CENPP: variants seen among roughly 807,000 people sequenced by gnomAD.
The protein encoded by CENPP is centromere protein P.
A neutral mutation model predicts 35.6 loss-of-function variants in CENPP; 24 were observed. The ratio of observed to expected loss-of-function variants is 0.67; its 90% CI spans 0.49 to 0.95. The LOEUF (loss-of-function observed/expected upper bound fraction) is 0.95, where lower values mean the gene tolerates loss of function less well. CENPP is among the 40% of genes least tolerant of loss of function. The pLI is 0.00. For synonymous variants in CENPP, 120 were observed against 125.5 expected (o/e 0.96, Z 0.29); for missense variants, 332 against 345.3 (o/e 0.96, Z 0.31).
At chr9:92,409,213 T>C (rs1332769216) in intron 5 of CENPP, among the ~76,000 whole-genome samples, 1 of 152,202 alleles carries the variant, frequency 6.6e-6, no homozygotes, top group African/African-American at 2.4e-5. Context: ...GTTATATCAA[T>C]TTAGGAAATT....
intron 3 of CENPP, among the ~76,000 whole-genome samples, chr9:92,344,695 C>T (rs1050662019): frequency 4.0e-5 from 6 of 151,580 alleles, no homozygotes; most frequent in African/African-American, 1.2e-4. Context: ...TTACAGGCGC[C>T]TGCCACGACG....
intron 5 of CENPP, among the ~76,000 whole-genome samples, chr9:92,546,382 C>T (rs538178013): frequency 1.3e-5 from 2 of 152,322 alleles, no homozygotes; most frequent in East Asian, 3.9e-4. Flanking sequence ...TGCAATAAAT[C>T]TTGCTGCTGC....
intron 5 of CENPP, among the ~76,000 whole-genome samples, chr9:92,443,273 A>T (rs552369428): frequency 5.9e-5 from 9 of 152,330 alleles, no homozygotes; most frequent in African/African-American, 2.2e-4. Flanking sequence ...TAATTTCAAT[A>T]TAAAAATATC....
At chr9:92,452,177 A>G (rs79600375) in intron 5 of CENPP, among the ~76,000 whole-genome samples, 30,148 of 151,280 alleles carry the variant, frequency 0.2, 3,551 homozygotes, top group Middle Eastern at 0.33. Flanking sequence ...GTCTTGTGCC[A>G]CTTTTCAAAG....
intron 4 of CENPP, among the ~76,000 whole-genome samples, chr9:92,359,080 G>C (rs1841670561): frequency 1.3e-5 from 2 of 151,554 alleles, no homozygotes. Context: ...CTCCCAAGTA[G>C]CTAGGATTAA....
intron 5 of CENPP, among the ~76,000 whole-genome samples, chr9:92,428,222 T>C (rs2130982687): frequency 6.6e-6 from 1 of 152,290 alleles, no homozygotes; most frequent in South Asian, 2.1e-4. Context: ...ATTCACATTT[T>C]CTGTAAATGG....
Position 92,554,049 on chromosome 9 carries a change from G to A in CENPP, c.565-57265G>A, listed in dbSNP as rs150587890. ...GTATTATGTTGGCTGTGGGTTTGTC[G>A]TAGATGGCTTTTATTACATTAAGGT... is the stretch of plus-strand genomic sequence containing the variant. On this transcript the variant is annotated intron_variant, in intron 5 of 7. Transcript: ENST00000375587. 5.1e-4 allele frequency among the ~76,000 whole-genome samples: 78 copies of A among 152,250 alleles called. No individual in the cohort carries two copies. The East Asian group carries it at 0.01, about 20-fold the overall frequency.
At chr9:92,383,218 T>C (rs904198112) in intron 5 of CENPP, among the ~76,000 whole-genome samples, 3 of 152,228 alleles carry the variant, frequency 2.0e-5, no homozygotes, top group African/African-American at 7.2e-5. Context: ...TTCATTACTG[T>C]ATCTTTGTTG....
In CENPP at chr9:92,576,823, T is replaced by C. The variant is rs148597047; in HGVS notation, c.565-34491T>C. ...AGGCCAGAATATATCTTGGAAACAG[T>C]AAATAAGTAGTATGTATGGCAGGTA... On this transcript the variant is annotated intron_variant, in intron 5 of 7. Coordinates refer to ENST00000375587, the MANE Select transcript of CENPP (RefSeq NM_001012267.3). Among the ~76,000 whole-genome samples the C allele has an allele frequency of 8.9e-4, 135 of 152,240 alleles. 1 individual carries two copies. Among genetic ancestry groups the C allele is most frequent in the African/African-American group, 3.0e-3 (126 of 41,538 alleles).
At chr9:92,609,074 G>T (rs1441937175) in intron 5 of CENPP, among the ~76,000 whole-genome samples, 1 of 152,252 alleles carries the variant, frequency 6.6e-6, no homozygotes, top group African/African-American at 2.4e-5. Context: ...GATTAATTTG[G>T]AAGAGCCTGC....
chr9:92,550,395 C>CAA (rs34946434), intron 5 of CENPP, among the ~76,000 whole-genome samples: 55,810 of 145,674 alleles, frequency 0.38, 12,850 homozygotes, highest in African/African-American at 0.66. Flanking sequence ...GACTCTGTCT[C>CAA]AAAAAAAAAA....
At chr9:92,387,051 A>AAG (rs1328603851) in intron 5 of CENPP, among the ~76,000 whole-genome samples, 2 of 145,814 alleles carry the variant, frequency 1.4e-5, no homozygotes, top group African/African-American at 5.0e-5. Context: ...CTGTCTCAAA[A>AAG]AGAAAAAAAA....
intron 5 of CENPP, among the ~76,000 whole-genome samples, chr9:92,591,004 A>C (rs1850650451): frequency 6.6e-6 from 1 of 152,254 alleles, no homozygotes; most frequent in South Asian, 2.1e-4. Flanking sequence ...TCAACATTAA[A>C]GTCTTTATAC....
rs1197559549 is a variant in CENPP at position 92,618,707 on chromosome 9, C to T, written c.*5558C>T. 2 of 377,306 alleles carry T rather than the reference C, an allele frequency of 5.3e-6. No individual in the cohort carries two copies. Among genetic ancestry groups the T allele is most frequent in the African/African-American group, 4.2e-5 (2 of 47,508 alleles). The allele number at this position is 377,306 out of a possible 1,614,324, so 23.4% of individuals were successfully genotyped here. ...CTTCAGTTAGCCCTATAATGTTCCTCAGTATTTCATATTGGAAAGTAAACA... is the reference window on the plus strand; with the variant it reads ...CTTCAGTTAGCCCTATAATGTTCCTTAGTATTTCATATTGGAAAGTAAACA... On this transcript the variant is annotated 3_prime_UTR_variant, in exon 8 of 8. Coordinates refer to ENST00000375587, the MANE Select transcript of CENPP (RefSeq NM_001012267.3).
In CENPP at chr9:92,533,340, T is replaced by A. The variant is rs1409608229; in HGVS notation, c.565-77974T>A. Among the ~76,000 whole-genome samples the A allele has an allele frequency of 1.9e-3, 225 of 119,138 alleles. 2 individuals carry two copies. The East Asian group carries it at 0.022, about 11-fold the overall frequency. 78.2% of individuals were successfully genotyped at this position (119,138 alleles called of 152,430 possible). ...AAAAAAAAAAAAAAATATATATATA[T>A]ATATATATATATATATATGCTTTGG... On this transcript the variant is annotated intron_variant, in intron 5 of 7. Transcript: ENST00000375587.
intron 5 of CENPP, among the ~76,000 whole-genome samples, chr9:92,544,412 G>C (rs891152208): frequency 6.6e-6 from 1 of 152,178 alleles, no homozygotes; most frequent in South Asian, 2.1e-4. Flanking sequence ...GGAGGCAGAG[G>C]TTGCAGCGAG....
At chr9:92,525,188 C>T (rs1431065051) in intron 5 of CENPP, among the ~76,000 whole-genome samples, 1 of 152,048 alleles carries the variant, frequency 6.6e-6, no homozygotes, top group African/African-American at 2.4e-5. Context: ...CATGGTGGTG[C>T]ATACCTGTAG....
At chr9:92,387,909 G>A (rs940824162) in intron 5 of CENPP, among the ~76,000 whole-genome samples, 1 of 151,750 alleles carries the variant, frequency 6.6e-6, no homozygotes, top group East Asian at 1.9e-4. Context: ...GACGACAGGT[G>A]CCCACCACCA....
At chr9:92,412,350 G>A (rs1843468462) in intron 5 of CENPP, among the ~76,000 whole-genome samples, 1 of 152,122 alleles carries the variant, frequency 6.6e-6, no homozygotes, top group African/African-American at 2.4e-5. Flanking sequence ...GTCTTCCAGA[G>A]CACTAGGATT....
Sources: gnomAD v4.1 joint callset for allele counts (sites outside exome capture counted in the v4.1 genomes callset) on GRCh38, gnomAD v4.1.1 for gene constraint, MANE v1.5 for transcripts, NCBI Gene and HGNC (gene_info 2026-07-23, HGNC 2026-07-21) for gene names.